Variants in MAPKBP1 observed in about 807,000 individuals in gnomAD.
MAPKBP1 encodes mitogen-activated protein kinase-binding protein 1.
MAPKBP1 carries 71 observed loss-of-function variants against 170.5 expected under a neutral mutation model. The ratio of observed to expected loss-of-function variants is 0.42; its 90% CI spans 0.34 to 0.51. The LOEUF (loss-of-function observed/expected upper bound fraction) is 0.51. Ranked by LOEUF, MAPKBP1 falls within the 20% of genes least tolerant of loss-of-function variation. The pLI is 0.06. For missense variants in MAPKBP1, 1,598 were observed against 1,933.0 expected (o/e 0.83, Z 3.25); for synonymous variants, 719 against 757.9 (o/e 0.95, Z 0.84).
At chr15:41,805,284 C>T (rs571056663) in intron 3 of MAPKBP1, among the ~76,000 whole-genome samples, 3 of 152,184 alleles carry the variant, frequency 2.0e-5, no homozygotes, top group South Asian at 4.1e-4. Context: ...GGGAAGCCCC[C>T]CTACTAGAGG....
In MAPKBP1 at chr15:41,818,094, C is replaced by G. The variant is rs1157983705; in HGVS notation, c.1980+10C>G. The G allele has an allele frequency of 1.4e-5, 22 of 1,613,984 alleles. No individual in the cohort carries two copies. The highest frequency in any genetic ancestry group is 1.8e-5 in the Non-Finnish European group (21 of 1,179,886). ...CGGCACACTCATTAAGGTAAGGACCCAGAGGGGGTACTGGACAGGGGCTCG... is the reference window on the plus strand; with the variant it reads ...CGGCACACTCATTAAGGTAAGGACCGAGAGGGGGTACTGGACAGGGGCTCG... On this transcript the variant is annotated intron_variant, in intron 17 of 30. Coordinates refer to ENST00000457542, the MANE Select transcript of MAPKBP1 (RefSeq NM_014994.3). This position sits in a 1 kb window ranked among gnomAD's most constrained non-coding sequence, Gnocchi z 5.2.
chr15:41,813,178 C>A, intron 8 of MAPKBP1, 77 bp downstream of exon 8: 1 of 1,549,828 alleles, frequency 6.5e-7, no homozygotes, highest in Non-Finnish European at 8.7e-7. Context: ...GGGCTTCAGA[C>A]TAGGGGCTGG....
chr15:41,785,572 A>AT (rs1291032174), intron 2 of MAPKBP1, among the ~76,000 whole-genome samples: 9 of 152,196 alleles, frequency 5.9e-5, no homozygotes, highest in Non-Finnish European at 1.3e-4. Flanking sequence ...GGTCTAATTT[A>AT]TATTGACAAA....
Position 41,818,259 on chromosome 15 carries a change from T to C in MAPKBP1, c.2046T>C (p.Phe682=). Residue 682 remains phenylalanine (F), a synonymous_variant, in exon 18 of 31, where the codon TTT becomes TTC. Coordinates refer to ENST00000457542, the MANE Select transcript of MAPKBP1 (RefSeq NM_014994.3). This position sits in a 1 kb window ranked among gnomAD's most constrained non-coding sequence, Gnocchi z 5.2. ...GTTCTGACAAGAATCTCTCCATTTT[T>C]GACTTCTCCTCAGGCGAGTGCGTGG... is the stretch of plus-strand genomic sequence containing the variant. ...TSCSDKNLSI[F]DFSSGECVAT... 1 of 1,614,148 alleles carries C rather than the reference T, an allele frequency of 6.2e-7. No homozygotes were observed. The highest frequency in any genetic ancestry group is 8.5e-7 in the Non-Finnish European group (1 of 1,180,020).
chr15:41,812,159 T>C (rs2064818039), intron 6 of MAPKBP1, 32 bp downstream of exon 6: 1 of 1,612,472 alleles, frequency 6.2e-7, no homozygotes, highest in East Asian at 2.2e-5. Flanking sequence ...CCTGGCAGCC[T>C]CACAGGGGTC....
In MAPKBP1 at chr15:41,818,206, C is replaced by G; in HGVS notation, c.1993C>G (p.Pro665Ala). 1 of 1,613,912 alleles carries G rather than the reference C, an allele frequency of 6.2e-7. No individual in the cohort carries two copies. The highest frequency in any genetic ancestry group is 8.5e-7 in the Non-Finnish European group (1 of 1,179,854). Residue 665 changes from proline (P) to alanine (A), a missense_variant, in exon 18 of 31, where the codon CCC (proline) becomes GCC (alanine). By Grantham distance (27) the Pro-to-Ala change is conservative (BLOSUM62 -1). Around this residue, in one of 6 missense-constraint regions of MAPKBP1, gnomAD observed 1 missense variants for 16.4 expected, o/e 0.06. Coordinates refer to ENST00000457542, the MANE Select transcript of MAPKBP1 (RefSeq NM_014994.3). This position sits in a 1 kb window ranked among gnomAD's most constrained non-coding sequence, Gnocchi z 5.2. ...TGCTACTCCTCAGGTGCAGACAGAC[C>G]CCTCAGGGATCTACATTGCCACCAG... ...DGTLIKVQTD[P>A]SGIYIATSCS...
chr15:41,801,788 T>G (rs973048247), intron 3 of MAPKBP1, among the ~76,000 whole-genome samples: 1 of 152,084 alleles, frequency 6.6e-6, no homozygotes, highest in African/African-American at 2.4e-5. Flanking sequence ...AGGTGGAGGT[T>G]GCAGTGAGTG....
intron 2 of MAPKBP1, among the ~76,000 whole-genome samples, chr15:41,788,208 G>A (rs1341624967): frequency 6.6e-6 from 1 of 151,910 alleles, no homozygotes; most frequent in Non-Finnish European, 1.5e-5. Flanking sequence ...CACCCGCCTC[G>A]GCCTCCCAGA....
chr15:41,807,452 A>C (rs2064718694), intron 3 of MAPKBP1, among the ~76,000 whole-genome samples: 1 of 152,214 alleles, frequency 6.6e-6, no homozygotes, highest in Non-Finnish European at 1.5e-5. Flanking sequence ...CTGGATTTGG[A>C]ATATGGTTGG....
At chr15:41,781,055 C>CT (rs1302908415) in intron 2 of MAPKBP1, among the ~76,000 whole-genome samples, 12 of 133,266 alleles carry the variant, frequency 9.0e-5, no homozygotes, top group South Asian at 7.8e-4. Flanking sequence ...GTTTGCAATG[C>CT]TTTTTTTTTG....
chr15:41,795,773 AT>A (rs1014234992), intron 2 of MAPKBP1, among the ~76,000 whole-genome samples: 12 of 150,758 alleles, frequency 8.0e-5, no homozygotes, highest in Non-Finnish European at 1.3e-4. Flanking sequence ...CGCCCGGCTA[AT>A]TTTTTTTTGT....
intron 8 of MAPKBP1, chr15:41,813,334 TAGAC>T: frequency 1.3e-6 from 2 of 1,528,364 alleles, no homozygotes; most frequent in Non-Finnish European, 9.1e-7. Flanking sequence ...GCTCAGAACA[TAGAC>T]AGCTTCACAG....
intron 2 of MAPKBP1, among the ~76,000 whole-genome samples, chr15:41,784,184 A>G (rs923256155): frequency 3.3e-5 from 5 of 152,332 alleles, no homozygotes; most frequent in Admixed American, 1.3e-4. Context: ...TTGTTTTCAT[A>G]TAACATAATA....
chr15:41,811,351 T>A, intron 5 of MAPKBP1, 116 bp downstream of exon 5: 1 of 1,092,776 alleles, frequency 9.2e-7, no homozygotes, highest in Non-Finnish European at 1.4e-6. Flanking sequence ...CACCAAATCC[T>A]GGTTTTCGCT....
In MAPKBP1 at chr15:41,823,702, C is replaced by G; in HGVS notation, c.3854C>G (p.Pro1285Arg). Residue 1285 changes from proline (P) to arginine (R), a missense_variant, in exon 29 of 31, where the codon CCC becomes CGC. By Grantham distance (103) the Pro-to-Arg change is moderately radical. This residue lies in a region of MAPKBP1 where 942 missense variants were observed against 953.2 expected (regional missense o/e 0.99). Transcript: ENST00000457542. The part of the protein sequence containing the change: ...RVSPLSKLAL[P>R]SRAHLVLDIP... Reference sequence around the variant, plus strand: ...TCACCACTCAGCAAGCTGGCCCTGCCCAGCCGGGCTCACCTGGTCCTGGAC... The same window carrying G: ...TCACCACTCAGCAAGCTGGCCCTGCGCAGCCGGGCTCACCTGGTCCTGGAC... 1 of 1,614,204 alleles carries G rather than the reference C, an allele frequency of 6.2e-7. No homozygotes were observed. The highest frequency in any genetic ancestry group is 8.5e-7 in the Non-Finnish European group (1 of 1,180,022).
chr15:41,814,758 T>C lies in MAPKBP1; in HGVS notation c.1170+19T>C, dbSNP rs765799058. 6.2e-7 allele frequency: 1 copy of C among 1,612,670 alleles called. No individual in the cohort carries two copies. The highest frequency in any genetic ancestry group is 8.5e-7 in the Non-Finnish European group (1 of 1,178,758). Reference sequence around the variant, plus strand: ...TGTGGAGGTATGTGGGCTGGCTGGCTGGCTGGAGACTGGCCAGGTTGGCTG... The same window carrying C: ...TGTGGAGGTATGTGGGCTGGCTGGCCGGCTGGAGACTGGCCAGGTTGGCTG... On this transcript the variant is annotated intron_variant, in intron 10 of 30. Coordinates refer to ENST00000457542, the MANE Select transcript of MAPKBP1 (RefSeq NM_014994.3).
At chr15:41,825,145 G>GCC in intron 30 of MAPKBP1, 64 bp from the exon 31 acceptor site, 1 of 1,391,996 alleles carries the variant, frequency 7.2e-7, no homozygotes, top group Non-Finnish European at 9.7e-7. Flanking sequence ...CCCAGGTGGG[G>GCC]CCCCTCCCTT....
intron 2 of MAPKBP1, among the ~76,000 whole-genome samples, chr15:41,793,794 C>T (rs1176119773): frequency 6.6e-6 from 1 of 152,146 alleles, no homozygotes; most frequent in Non-Finnish European, 1.5e-5. Context: ...GCATGGGGAC[C>T]CAGGTCAAGG....
At chr15:41,786,174 A>G (rs1160287045) in intron 2 of MAPKBP1, among the ~76,000 whole-genome samples, 3 of 152,214 alleles carry the variant, frequency 2.0e-5, no homozygotes, top group Non-Finnish European at 2.9e-5. Flanking sequence ...AAACATATAT[A>G]TATGTTAGTA....
Sources: allele counts gnomAD v4.1 joint callset (sites outside exome capture counted in the v4.1 genomes callset), GRCh38; gene constraint gnomAD v4.1.1; regional missense constraint gnomAD v4.1.1; non-coding constraint Gnocchi (gnomAD v3.1); transcripts MANE v1.5; gene names NCBI Gene and HGNC (gene_info 2026-07-23, HGNC 2026-07-21).